Variants in C4orf33 observed in about 807,000 individuals in gnomAD.
C4orf33 encodes UPF0462 protein C4orf33.
C4orf33 carries 20 observed loss-of-function variants against 24.3 expected under a neutral mutation model. The observed-to-expected ratio is 0.82, with a 90% CI of 0.58 to 1.19. The LOEUF (loss-of-function observed/expected upper bound fraction) is 1.19, where lower values mean the gene tolerates loss of function less well. C4orf33 is among the 50% of genes most tolerant of loss of function. The probability of loss-of-function intolerance (pLI) is 0.00; values close to 1 mark genes in which losing one functional copy is unlikely to be tolerated. For synonymous variants in C4orf33, 67 were observed against 76.4 expected (o/e 0.88, Z 0.64); for missense variants, 207 against 225.9 (o/e 0.92, Z 0.54).
At chr4:129,107,627 TTG>T (rs1214025733) in intron 3 of C4orf33, among the ~76,000 whole-genome samples, 3 of 152,018 alleles carry the variant, frequency 2.0e-5, no homozygotes, top group Admixed American at 2.0e-4. Context: ...TCATATACCT[TTG>T]TGTGTTACAT....
intron 1 of C4orf33, among the ~76,000 whole-genome samples, chr4:129,096,931 G>A (rs963721304): frequency 1.3e-5 from 2 of 152,050 alleles, no homozygotes; most frequent in Admixed American, 6.5e-5. Flanking sequence ...ATTTTTTTGA[G>A]ACGGAGTCTT....
chr4:129,098,315 C>G (rs1412973053), intron 1 of C4orf33, among the ~76,000 whole-genome samples: 2 of 152,012 alleles, frequency 1.3e-5, no homozygotes, highest in Non-Finnish European at 2.9e-5. Flanking sequence ...CAACCCTTGC[C>G]CCTTTCTTCC....
In C4orf33 at chr4:129,113,024, A is replaced by T. The variant is rs1174689493; in HGVS notation, c.*1233A>T. The T allele has an allele frequency of 1.5e-5, 2 of 129,418 alleles. No individual in the cohort carries two copies. Among genetic ancestry groups the T allele is most frequent in the Non-Finnish European group, 3.6e-5 (2 of 56,202 alleles). The allele number at this position is 129,418 out of a possible 1,614,324, so 8.0% of individuals were successfully genotyped here. A position where few individuals can be genotyped will look rare whatever the true frequency, so the allele number is the denominator to read the frequency against. ...TACCTGAATAATTTTATAAATGCATATAAAACTATCAAAATAAAAACAAGA... is the reference window on the plus strand; with the variant it reads ...TACCTGAATAATTTTATAAATGCATTTAAAACTATCAAAATAAAAACAAGA... On this transcript the variant is annotated 3_prime_UTR_variant, in exon 6 of 6. Transcript: ENST00000425929.
chr4:129,111,759 G>C lies in C4orf33; in HGVS notation c.568G>C (p.Asp190His). 2 of 1,611,350 alleles carry C rather than the reference G, an allele frequency of 1.2e-6. No homozygotes were observed. The highest frequency in any genetic ancestry group is 8.5e-7 in the Non-Finnish European group (1 of 1,177,874). ...LGEEWKQPES[D>H]LWLIEKCDI ...AGAAGAGTGGAAACAACCGGAATCA[G>C]ACCTGTGGCTAATAGAGAAATGTGA... is the stretch of plus-strand genomic sequence containing the variant. The change falls in exon 6 of 6, where the codon GAC becomes CAC. Residue 190 changes from aspartate to histidine, a missense_variant. By Grantham distance (81) the Asp-to-His change is moderately conservative (BLOSUM62 -1). Coordinates refer to ENST00000425929, the MANE Select transcript of C4orf33 (RefSeq NM_001099783.2).
In C4orf33 at chr4:129,102,660, A is replaced by G. The variant is rs961501963; in HGVS notation, c.50A>G (p.Glu17Gly). The G allele has an allele frequency of 1.9e-6, 3 of 1,614,106 alleles. No homozygotes were observed. The African/African-American group carries it at 4.0e-5, about 22-fold the overall frequency. Residue 17 changes from glutamate to glycine, a missense_variant, in exon 2 of 6, where the codon GAG (glutamate) becomes GGG (glycine). Coordinates refer to ENST00000425929, the MANE Select transcript of C4orf33 (RefSeq NM_001099783.2). ...TGGGATGGTTTTCCAGTGAAGCATGAGCCCGTATTTATCAGGCTGAATCCA... is the reference window on the plus strand; with the variant it reads ...TGGGATGGTTTTCCAGTGAAGCATGGGCCCGTATTTATCAGGCTGAATCCA... Reference protein sequence around the residue: ...HTWDGFPVKHEPVFIRLNPGD... With the variant: ...HTWDGFPVKHGPVFIRLNPGD...
intron 1 of C4orf33, among the ~76,000 whole-genome samples, chr4:129,100,321 A>G (rs1753315413): frequency 7.5e-6 from 1 of 133,044 alleles, no homozygotes; most frequent in Admixed American, 8.4e-5. Flanking sequence ...AACATTATGG[A>G]TTGTATTTTG....
chr4:129,099,238 C>T (rs1013795106), intron 1 of C4orf33, among the ~76,000 whole-genome samples: 3 of 152,116 alleles, frequency 2.0e-5, no homozygotes, highest in Admixed American at 1.3e-4. Context: ...ATGTTGGAAA[C>T]GGGTACCTCA....
intron 5 of C4orf33, among the ~76,000 whole-genome samples, chr4:129,110,964 A>C (rs1867951): frequency 0.18 from 27,492 of 152,134 alleles, 2,665 homozygotes; most frequent in South Asian, 0.22. Context: ...CAAGGTCCTC[A>C]TATCAAGACG....
intron 2 of C4orf33, 28 bp from the exon 3 acceptor site, chr4:129,106,559 C>A: frequency 1.7e-6 from 2 of 1,155,786 alleles, no homozygotes; most frequent in South Asian, 1.4e-5. Context: ...TTAAATATCT[C>A]AATATGTTAT....
Position 129,111,937 on chromosome 4 carries a change from A to G in C4orf33, c.*146A>G. 3 of 532,844 alleles carry G rather than the reference A, an allele frequency of 5.6e-6. No individual in the cohort carries two copies. Among genetic ancestry groups the G allele is most frequent in the East Asian group, 6.1e-5 (2 of 32,824 alleles). 33.0% of individuals were successfully genotyped at this position (532,844 alleles called of 1,614,324 possible). A position where few individuals can be genotyped will look rare whatever the true frequency, so the allele number is the denominator to read the frequency against. The stretch of plus-strand genomic sequence containing the variant: ...TCACTGAAAATATAGTATCTGTGGC[A>G]AATTGTATATGATTAACAAGAAAAT... On this transcript the variant is annotated 3_prime_UTR_variant, in exon 6 of 6. Coordinates refer to ENST00000425929, the MANE Select transcript of C4orf33 (RefSeq NM_001099783.2).
Position 129,115,822 on chromosome 4 carries a change from A to ATATATAATATATATATGTT in C4orf33, c.*4037_*4038insATATATATATGTTTATATA, listed in dbSNP as rs1753767931. On this transcript the variant is annotated 3_prime_UTR_variant, in exon 6 of 6. Transcript: ENST00000425929. ...ACTAAATATATATATATATATATAT[A>ATATATAATATATATATGTT]TATATATAAAATATATATGTTTATA... 1 of 92,668 alleles carries ATATATAATATATATATGTT rather than the reference A, an allele frequency of 1.1e-5. No individual in the cohort carries two copies. The highest frequency in any genetic ancestry group is 2.4e-5 in the Non-Finnish European group (1 of 41,782). 5.7% of individuals were successfully genotyped at this position (92,668 alleles called of 1,614,324 possible).
rs1753725490 is a variant in C4orf33, at chr4:129,113,241, T to A, written c.*1450T>A. The A allele has an allele frequency of 6.6e-6, 1 of 152,232 alleles. No homozygotes were observed. Among genetic ancestry groups the A allele is most frequent in the African/African-American group, 2.4e-5 (1 of 41,472 alleles). 9.4% of individuals were successfully genotyped at this position (152,232 alleles called of 1,614,324 possible). A position where few individuals can be genotyped will look rare whatever the true frequency, so the allele number is the denominator to read the frequency against. Reference sequence around the variant, plus strand: ...TTCTCAAATCTAATGTGTATCTTTTTAAAATTTGTTTAGATGTTTTTTAAA... The same window carrying A: ...TTCTCAAATCTAATGTGTATCTTTTAAAAATTTGTTTAGATGTTTTTTAAA... On this transcript the variant is annotated 3_prime_UTR_variant, in exon 6 of 6. Coordinates refer to ENST00000425929, the MANE Select transcript of C4orf33 (RefSeq NM_001099783.2).
At chr4:129,098,504 G>A (rs1192923490) in intron 1 of C4orf33, among the ~76,000 whole-genome samples, 1 of 152,196 alleles carries the variant, frequency 6.6e-6, no homozygotes, top group Non-Finnish European at 1.5e-5. Flanking sequence ...TATTTATGTA[G>A]TAAAATGTTT....
intron 2 of C4orf33, among the ~76,000 whole-genome samples, chr4:129,104,035 C>T (rs764141709): frequency 1.6e-4 from 25 of 152,148 alleles, no homozygotes; most frequent in Non-Finnish European, 2.2e-4. Context: ...AGACATGAAA[C>T]TCAACAAATT....
rs1409299394 is a variant in C4orf33, at chr4:129,115,819, T to TA, written c.*4029dup. 3 of 96,378 alleles carry TA rather than the reference T, an allele frequency of 3.1e-5. No homozygotes were observed. In the South Asian group the frequency reaches 1.0e-3, roughly 33 times the overall value. The allele number at this position is 96,378 out of a possible 1,614,324, so 6.0% of individuals were successfully genotyped here. On this transcript the variant is annotated 3_prime_UTR_variant, in exon 6 of 6. Transcript: ENST00000425929. The stretch of plus-strand genomic sequence containing the variant: ...CTAACTAAATATATATATATATATA[T>TA]ATATATATATAAAATATATATGTTT...
chr4:129,099,460 A>T (rs1012533050), intron 1 of C4orf33, among the ~76,000 whole-genome samples: 3 of 152,230 alleles, frequency 2.0e-5, no homozygotes, highest in Non-Finnish European at 4.4e-5. Context: ...CCACGAACAC[A>T]GTAGATTTCT....
intron 5 of C4orf33, among the ~76,000 whole-genome samples, chr4:129,111,208 G>T (rs199647145): frequency 6.6e-6 from 1 of 152,154 alleles, no homozygotes; most frequent in Non-Finnish European, 1.5e-5. Flanking sequence ...GGTTTTCCTC[G>T]AAAGAAAAGA....
At chr4:129,093,718 GGGCTGAGCCACC>G (rs1753068344), upstream of C4orf33, 1 of 153,114 alleles carries the variant, frequency 6.5e-6, no homozygotes, top group African/African-American at 2.4e-5. Context: ...GGATGACAGC[GGGCTGAGCCACC>G]GGCTTGGCGC....
At chr4:129,100,134 G>C (rs1753310790) in intron 1 of C4orf33, among the ~76,000 whole-genome samples, 1 of 152,086 alleles carries the variant, frequency 6.6e-6, no homozygotes, top group Non-Finnish European at 1.5e-5. Context: ...AAAGGTTTGA[G>C]GTACTCACTA....
Sources: allele counts gnomAD v4.1 joint callset (sites outside exome capture counted in the v4.1 genomes callset), GRCh38; gene constraint gnomAD v4.1.1; transcripts MANE v1.5; gene names NCBI Gene and HGNC (gene_info 2026-07-23, HGNC 2026-07-21).